Variants in GRIA4 observed in about 807,000 individuals in gnomAD.
The protein encoded by GRIA4 is glutamate ionotropic receptor AMPA type subunit 4.
GRIA4 carries 34 observed loss-of-function variants against 104.0 expected under a neutral mutation model. The observed-to-expected ratio is 0.33, with a 90% CI of 0.25 to 0.44. The LOEUF (loss-of-function observed/expected upper bound fraction) is 0.44, where lower values mean the gene tolerates loss of function less well. Ranked by LOEUF, GRIA4 falls within the 20% of genes least tolerant of loss-of-function variation. GRIA4 has a pLI of 1.00. For missense variants in GRIA4, 750 were observed against 1,096.5 expected, an observed-to-expected ratio of 0.68 and a Z score of 4.46; for synonymous variants, 386 against 381.9, an observed-to-expected ratio of 1.01 and a Z score of -0.13.
At chr11:105,796,738 T>A (rs1327745001) in intron 4 of GRIA4, among the ~76,000 whole-genome samples, 1 of 152,224 alleles carries the variant, frequency 6.6e-6, no homozygotes. Context: ...CAGGAAAATC[T>A]ATTTTTCCAT....
At chr11:105,627,427 C>A (rs533070207) in intron 3 of GRIA4, among the ~76,000 whole-genome samples, 1 of 152,128 alleles carries the variant, frequency 6.6e-6, no homozygotes, top group African/African-American at 2.4e-5. Context: ...CAGAAGACAG[C>A]AAGAATTATT....
At chr11:105,791,933 GGA>G (rs1201243508) in intron 4 of GRIA4, among the ~76,000 whole-genome samples, 6 of 152,030 alleles carry the variant, frequency 3.9e-5, no homozygotes, top group Admixed American at 6.6e-5. Flanking sequence ...ACGTTCTCAG[GGA>G]ATTTCATGTA....
intron 5 of GRIA4, among the ~76,000 whole-genome samples, chr11:105,881,319 C>T (rs997531187): frequency 2.0e-5 from 3 of 152,162 alleles, no homozygotes; most frequent in Non-Finnish European, 1.5e-5. Flanking sequence ...AATATCAGCT[C>T]TGTAGACCAC....
chr11:105,957,162 T>C (rs1948611064), intron 14 of GRIA4, among the ~76,000 whole-genome samples: 1 of 152,222 alleles, frequency 6.6e-6, no homozygotes, highest in Non-Finnish European at 1.5e-5. Flanking sequence ...GCTTTTGGTG[T>C]TTTAGTCACA....
chr11:105,729,422 G>A (rs1012078487), intron 3 of GRIA4, among the ~76,000 whole-genome samples: 9 of 152,050 alleles, frequency 5.9e-5, no homozygotes, highest in African/African-American at 2.2e-4. Context: ...TTCTACCAGA[G>A]GTACAAAGGG....
chr11:105,926,201 C>T (rs1257798195), intron 12 of GRIA4, among the ~76,000 whole-genome samples: 1 of 135,806 alleles, frequency 7.4e-6, no homozygotes, highest in Non-Finnish European at 1.6e-5. Context: ...ATCATCCTGG[C>T]AGGGCTCTGA....
At chr11:105,972,182 T>A (rs1858730346) in intron 15 of GRIA4, among the ~76,000 whole-genome samples, 154 bp downstream of exon 15, 1 of 152,194 alleles carries the variant, frequency 6.6e-6, no homozygotes, top group Non-Finnish European at 1.5e-5. Flanking sequence ...ACCATAGGGA[T>A]GGTCTTCCCA....
chr11:105,891,279 G>T (rs1259159444), intron 6 of GRIA4, among the ~76,000 whole-genome samples: 1 of 152,202 alleles, frequency 6.6e-6, no homozygotes. Flanking sequence ...AGACTTACTT[G>T]CTAATACGTG....
chr11:105,814,291 T>C (rs1279125590), intron 4 of GRIA4, among the ~76,000 whole-genome samples: 2 of 152,180 alleles, frequency 1.3e-5, no homozygotes, highest in African/African-American at 2.4e-5. Flanking sequence ...GTCTGGTACG[T>C]AGTGTCAAAT....
At chr11:105,833,702 T>C (rs971018158) in intron 4 of GRIA4, among the ~76,000 whole-genome samples, 1 of 151,876 alleles carries the variant, frequency 6.6e-6, no homozygotes, top group African/African-American at 2.4e-5. Context: ...GTCATTATAG[T>C]TGCTTTTGTT....
At chr11:105,738,574 T>C (rs777027672) in intron 3 of GRIA4, among the ~76,000 whole-genome samples, 12 of 152,142 alleles carry the variant, frequency 7.9e-5, no homozygotes, top group Non-Finnish European at 1.8e-4. Flanking sequence ...TAAAACCCAC[T>C]CAAATATCTG....
At chr11:105,783,160 G>A (rs1028727616) in intron 4 of GRIA4, among the ~76,000 whole-genome samples, 5 of 151,970 alleles carry the variant, frequency 3.3e-5, no homozygotes, top group African/African-American at 1.2e-4. Context: ...AATAATTCAC[G>A]GAGAAATGTA....
chr11:105,691,736 A>C (rs1953091035), intron 3 of GRIA4, among the ~76,000 whole-genome samples: 1 of 152,088 alleles, frequency 6.6e-6, no homozygotes, highest in African/African-American at 2.4e-5. Context: ...AAAAATCGAG[A>C]TCATCCTGGC....
At chr11:105,887,156 A>G (rs1946293934) in intron 5 of GRIA4, among the ~76,000 whole-genome samples, 1 of 152,140 alleles carries the variant, frequency 6.6e-6, no homozygotes, top group Non-Finnish European at 1.5e-5. Context: ...TAAATTATCA[A>G]TAAGTGAAGT....
At chr11:105,955,794 T>A (rs573311017) in intron 14 of GRIA4, among the ~76,000 whole-genome samples, 224 of 152,332 alleles carry the variant, frequency 1.5e-3, no homozygotes, top group African/African-American at 5.2e-3. Flanking sequence ...GTTTCCTGAT[T>A]TTTTAAAAAT....
intron 3 of GRIA4, among the ~76,000 whole-genome samples, chr11:105,644,905 C>G (rs1400506675): frequency 6.6e-6 from 1 of 152,192 alleles, no homozygotes; most frequent in South Asian, 2.1e-4. Context: ...GTATAAGAAG[C>G]AAGTAATAAG....
At chr11:105,794,782 A>G (rs78991628) in intron 4 of GRIA4, among the ~76,000 whole-genome samples, 1 of 151,620 alleles carries the variant, frequency 6.6e-6, no homozygotes, top group Admixed American at 6.6e-5. Context: ...AGGAAAAAAA[A>G]TTACATCTTA....
At chr11:105,920,067 T>C (rs1194435534) in intron 11 of GRIA4, among the ~76,000 whole-genome samples, 1 of 152,096 alleles carries the variant, frequency 6.6e-6, no homozygotes, top group Non-Finnish European at 1.5e-5. Context: ...TTTTAGACCA[T>C]GAAGCAATGA....
At chr11:105,823,063 C>G (rs1943634842) in intron 4 of GRIA4, among the ~76,000 whole-genome samples, 1 of 152,148 alleles carries the variant, frequency 6.6e-6, no homozygotes, top group African/African-American at 2.4e-5. Flanking sequence ...TATTAACTCT[C>G]TTAGTTCAAT....
Sources: gnomAD v4.1 joint callset for allele counts (sites outside exome capture counted in the v4.1 genomes callset) on GRCh38, gnomAD v4.1.1 for gene constraint, MANE v1.5 for transcripts, NCBI Gene and HGNC (gene_info 2026-07-23, HGNC 2026-07-21) for gene names.